The following GFM2 variants were observed in gnomAD, a reference collection of about 807,000 sequenced individuals.
GFM2 encodes ribosome-releasing factor 2, mitochondrial.
GFM2 carries 72 observed loss-of-function variants against 95.4 expected under a neutral mutation model. The ratio of observed to expected loss-of-function variants is 0.76; its 90% CI spans 0.62 to 0.92. The LOEUF (loss-of-function observed/expected upper bound fraction) is 0.92. Among genes scored for constraint, GFM2 ranks in the 40% least tolerant of loss-of-function variants. The pLI, the probability that GFM2 is intolerant of heterozygous loss-of-function variation, is 0.00. For synonymous variants in GFM2, 276 were observed against 317.5 expected (o/e 0.87, Z 1.39); for missense variants, 825 against 924.1 (o/e 0.89, Z 1.39).
chr5:74,748,935 A>G (rs1743548643), intron 7 of GFM2, among the ~76,000 whole-genome samples: 1 of 146,100 alleles, frequency 6.8e-6, no homozygotes, highest in East Asian at 1.9e-4. Context: ...AATAAAAAAA[A>G]TAAAAAATAA....
chr5:74,730,224 A>G lies in GFM2; in HGVS notation c.1726+36T>C, dbSNP rs745469774. On this transcript the variant is annotated intron_variant, in intron 17 of 20. Coordinates refer to ENST00000296805, the MANE Select transcript of GFM2 (RefSeq NM_032380.5). ...TAAATAGAGAAAGAAAGACAGAAAG[A>G]GAGAAAAAGCAAATCCTAAATGTTT... The G allele has an allele frequency of 6.1e-5, 96 of 1,573,568 alleles. 1 individual carries two copies. The South Asian group carries it at 1.1e-3, about 18-fold the overall frequency.
chr5:74,742,931 T>G (rs1340770050), intron 10 of GFM2, among the ~76,000 whole-genome samples: 2 of 152,162 alleles, frequency 1.3e-5, no homozygotes, highest in East Asian at 3.9e-4. Flanking sequence ...CCTCCCAAAG[T>G]GCTGGGATTA....
chr5:74,751,884 A>G (rs1159892356), intron 5 of GFM2, among the ~76,000 whole-genome samples: 2 of 152,114 alleles, frequency 1.3e-5, no homozygotes, highest in Non-Finnish European at 2.9e-5. Flanking sequence ...TTAAATCCCA[A>G]CTTTACCACT....
intron 19 of GFM2, among the ~76,000 whole-genome samples, chr5:74,724,485 A>C (rs937414985): frequency 4.6e-5 from 7 of 152,034 alleles, no homozygotes; most frequent in Non-Finnish European, 8.8e-5. Context: ...AAAAAAAAAA[A>C]AAAACAATTT....
intron 7 of GFM2, among the ~76,000 whole-genome samples, chr5:74,748,238 T>C (rs939662501): frequency 1.3e-5 from 2 of 152,320 alleles, no homozygotes; most frequent in South Asian, 4.1e-4. Flanking sequence ...AAAAGAAATA[T>C]AGGAGTGTAC....
intron 5 of GFM2, among the ~76,000 whole-genome samples, chr5:74,757,172 T>C (rs1015666800): frequency 3.3e-5 from 5 of 152,136 alleles, no homozygotes; most frequent in African/African-American, 9.7e-5. Flanking sequence ...AAACCAGTTA[T>C]GATAAAGACA....
intron 5 of GFM2, among the ~76,000 whole-genome samples, chr5:74,751,847 A>T (rs1368639227): frequency 2.6e-5 from 4 of 152,184 alleles, no homozygotes. Flanking sequence ...CGAGTGGTAC[A>T]GTGAAAGAAC....
chr5:74,755,014 TG>T (rs1743908848), intron 5 of GFM2, among the ~76,000 whole-genome samples: 4 of 152,124 alleles, frequency 2.6e-5, no homozygotes, highest in African/African-American at 9.7e-5. Flanking sequence ...GGGAATTGCT[TG>T]AACCCGGGAG....
At position 74,721,668 on chromosome 5, in the gene GFM2, C is replaced by G. The variant is rs1749886352; in HGVS notation, c.2327G>C (p.Ser776Thr). 18 of 1,612,784 alleles carry G rather than the reference C, an allele frequency of 1.1e-5. No individual in the cohort carries two copies. The East Asian group carries it at 4.0e-4, about 36-fold the overall frequency. ...AAACTAAAACATTTAGGTCAAACCA[C>G]TTCTCCGGTTGAGCAGTGTATTTTG... ...QDQNTLLNRR[S>T]GLT The change falls in exon 21 of 21, where the codon AGT (serine) becomes ACT (threonine). Residue 776 changes from serine (S) to threonine (T), a missense_variant. Coordinates refer to ENST00000296805, the MANE Select transcript of GFM2 (RefSeq NM_032380.5).
chr5:74,730,422 A>G (rs773375495), intron 16 of GFM2, 24 bp from the exon 17 acceptor site: 3 of 1,518,664 alleles, frequency 2.0e-6, no homozygotes, highest in Admixed American at 2.1e-5. Flanking sequence ...GAATGAAATA[A>G]AAGATTAAGG....
chr5:74,733,986 A>G (rs1304431425), intron 15 of GFM2, among the ~76,000 whole-genome samples: 1 of 152,148 alleles, frequency 6.6e-6, no homozygotes, highest in East Asian at 1.9e-4. Context: ...CTTTTTATAA[A>G]AGAAATATGT....
intron 9 of GFM2, 117 bp from the exon 10 acceptor site, chr5:74,745,974 TA>T (rs1743364923): frequency 9.3e-7 from 1 of 1,079,386 alleles, no homozygotes. Flanking sequence ...ACCATTACTA[TA>T]ATCTGTGGCT....
In GFM2 at chr5:74,747,725, C is replaced by A; in HGVS notation, c.575G>T (p.Cys192Phe). 1 of 1,612,380 alleles carries A rather than the reference C, an allele frequency of 6.2e-7. No individual in the cohort carries two copies. Among genetic ancestry groups the A allele is most frequent in the Non-Finnish European group, 8.5e-7 (1 of 1,178,750 alleles). ...AGTTTTGTCCATCTTGTTTAAAAAA[C>A]AGATTCGAGGTATATTGTGTTTATC... ...QADKHNIPRI[C>F]FLNKMDKTGA... The change falls in exon 8 of 21, where the codon TGT (cysteine) becomes TTT (phenylalanine). Residue 192 changes from cysteine (C) to phenylalanine (F), a missense_variant. Coordinates refer to ENST00000296805, the MANE Select transcript of GFM2 (RefSeq NM_032380.5).
chr5:74,730,709 C>T (rs1742516148), intron 16 of GFM2: 1 of 187,930 alleles, frequency 5.3e-6, no homozygotes, highest in Non-Finnish European at 1.1e-5. Context: ...CACTTCCCAA[C>T]CGCAAAGCCA....
rs1421750029 is a variant in GFM2 at position 74,725,996 on chromosome 5, A to G, written c.1857T>C (p.Leu619=). 6.2e-7 allele frequency: 1 copy of G among 1,610,800 alleles called. No individual in the cohort carries two copies. The highest frequency in any genetic ancestry group is 2.2e-5 in the East Asian group (1 of 44,852). ...CAATGGCCTCTTGGGAGACCTTCAAAAGGCCTTCATTGATACTTTCAGCAT... is the reference window on the plus strand; with the variant it reads ...CAATGGCCTCTTGGGAGACCTTCAAGAGGCCTTCATTGATACTTTCAGCAT... ...FEYAESINEG[L]LKVSQEAIEN... is the part of the protein sequence containing the mutation. The change falls in exon 18 of 21, where the codon CTT becomes CTC. Residue 619 remains leucine (L), a synonymous_variant. Transcript: ENST00000296805.
At chr5:74,731,223 TG>T in intron 16 of GFM2, among the ~76,000 whole-genome samples, 1 of 152,346 alleles carries the variant, frequency 6.6e-6, no homozygotes, top group African/African-American at 2.4e-5. Context: ...CCCAACAACA[TG>T]GGCATTTCCC....
At chr5:74,748,122 A>G (rs958821642) in intron 7 of GFM2, among the ~76,000 whole-genome samples, 1 of 152,178 alleles carries the variant, frequency 6.6e-6, no homozygotes, top group African/African-American at 2.4e-5. Flanking sequence ...GTTTGGCTTC[A>G]CTTTTCCTAG....
intron 5 of GFM2, among the ~76,000 whole-genome samples, chr5:74,756,449 G>C (rs1470582010): frequency 4.6e-5 from 7 of 152,140 alleles, no homozygotes; most frequent in Non-Finnish European, 8.8e-5. Flanking sequence ...ATTGGCATTT[G>C]GGCTGGTTCC....
chr5:74,750,329 G>A (rs1242666446), intron 7 of GFM2, among the ~76,000 whole-genome samples: 1 of 152,174 alleles, frequency 6.6e-6, no homozygotes, highest in Non-Finnish European at 1.5e-5. Flanking sequence ...TAACTTGTTA[G>A]CTCAAAAGTA....
Sources: allele counts gnomAD v4.1 joint callset (sites outside exome capture counted in the v4.1 genomes callset), GRCh38; gene constraint gnomAD v4.1.1; transcripts MANE v1.5; gene names NCBI Gene and HGNC (gene_info 2026-07-23, HGNC 2026-07-21).